NKTR: variants seen among roughly 807,000 people sequenced by gnomAD.
The protein encoded by NKTR is NK-tumor recognition protein.
Under a neutral mutation model 156.3 loss-of-function variants are expected in NKTR, and 67 were observed. That is an observed-to-expected ratio of 0.43 (90% CI 0.35 to 0.53). The LOEUF is 0.53. Ranked by LOEUF, NKTR falls within the 20% of genes least tolerant of loss-of-function variation. The pLI is 0.01. For synonymous variants in NKTR, 640 were observed against 596.6 expected (o/e 1.07, Z -1.06); for missense variants, 1,604 against 1,730.9 (o/e 0.93, Z 1.30).
chr3:42,625,579 G>T (rs962660810), intron 6 of NKTR, among the ~76,000 whole-genome samples: 2 of 152,138 alleles, frequency 1.3e-5, no homozygotes, highest in African/African-American at 4.8e-5. Context: ...GTAAAGCTGT[G>T]TTGATGTTTT....
chr3:42,615,181 C>T (rs1173645369), intron 2 of NKTR, among the ~76,000 whole-genome samples: 3 of 151,668 alleles, frequency 2.0e-5, no homozygotes, highest in African/African-American at 7.3e-5. Context: ...CAGGTTCAAG[C>T]GATTCTTTTG....
chr3:42,629,791 A>G, intron 6 of NKTR: 4 of 985,470 alleles, frequency 4.1e-6, no homozygotes, highest in Non-Finnish European at 4.8e-6. Flanking sequence ...TCTTAACCAA[A>G]TATACCCTGT....
intron 5 of NKTR, chr3:42,620,864 A>G: frequency 1.0e-6 from 1 of 973,924 alleles, no homozygotes. Flanking sequence ...TTTGTTTCAC[A>G]GGGCTTTCTT....
In NKTR at chr3:42,642,488, GC is replaced by G; in HGVS notation, c.4047-12del. Reference sequence around the variant, plus strand: ...AACATAATTATATATTTTTTCAATTGCTTTAATTGTAGATCAAGAAGCTACT... The same window carrying G: ...AACATAATTATATATTTTTTCAATTGTTTAATTGTAGATCAAGAAGCTACT... On this transcript the variant is annotated splice_polypyrimidine_tract_variant and intron_variant, in intron 13 of 16. Coordinates refer to ENST00000232978, the MANE Select transcript of NKTR (RefSeq NM_005385.4). 6.3e-7 allele frequency: 1 copy of G among 1,584,460 alleles called. No homozygotes were observed. The highest frequency in any genetic ancestry group is 8.7e-7 in the Non-Finnish European group (1 of 1,153,982).
At chr3:42,601,806 C>G (rs1054821650) in intron 2 of NKTR, 1 of 152,072 alleles carries the variant, frequency 6.6e-6, no homozygotes, top group Admixed American at 6.5e-5. Flanking sequence ...TATGTGTTGT[C>G]TTTGTGCAAC....
Position 42,630,418 on chromosome 3 carries a change from T to A in NKTR, c.375-128T>A. The A allele has an allele frequency of 2.0e-6, 3 of 1,522,526 alleles. No homozygotes were observed. The South Asian group carries it at 3.8e-5, about 19-fold the overall frequency. The allele number at this position is 1,522,526 out of a possible 1,614,324, so 94.3% of individuals were successfully genotyped here. A position where few individuals can be genotyped will look rare whatever the true frequency, so the allele number is the denominator to read the frequency against. ...TTTTAAGGTTAGATATATATCATGT[T>A]TAACTTTTTCCCCTATCTTTTTATC... On this transcript the variant is annotated intron_variant, in intron 6 of 16. Transcript: ENST00000232978.
chr3:42,630,518 C>A (rs769931579), intron 6 of NKTR, 28 bp from the exon 7 acceptor site: 1 of 1,613,436 alleles, frequency 6.2e-7, no homozygotes, highest in South Asian at 1.1e-5. Context: ...TGTTTGACAT[C>A]ATCTTTGTGT....
chr3:42,633,034 T>C (rs1709059936), intron 9 of NKTR: 1 of 1,253,420 alleles, frequency 8.0e-7, no homozygotes, highest in Non-Finnish European at 1.0e-6. Flanking sequence ...CGGGTGAAAA[T>C]AGTCCTAAGA....
At chr3:42,628,527 T>C in intron 6 of NKTR, 1 of 985,442 alleles carries the variant, frequency 1.0e-6, no homozygotes, top group Non-Finnish European at 1.2e-6. Flanking sequence ...GCAAATTGAA[T>C]TGGGCTCTTT....
At chr3:42,614,699 TG>T (rs1406518414) in intron 2 of NKTR, among the ~76,000 whole-genome samples, 1 of 152,202 alleles carries the variant, frequency 6.6e-6, no homozygotes, top group African/African-American at 2.4e-5. Flanking sequence ...AATGCTGTTT[TG>T]TTTTTTTGAC....
intron 5 of NKTR, chr3:42,620,023 G>T (rs755413775): frequency 2.0e-6 from 3 of 1,533,850 alleles, no homozygotes; most frequent in Non-Finnish European, 2.6e-6. Flanking sequence ...TAGAGAATGT[G>T]GTCTTTTGCA....
intron 5 of NKTR, chr3:42,621,002 G>T (rs758183920): frequency 2.1e-6 from 2 of 951,042 alleles, no homozygotes; most frequent in Non-Finnish European, 2.5e-6. Context: ...TAAATTTACC[G>T]TATAAAAATT....
At chr3:42,605,542 A>G (rs1706149258) in intron 2 of NKTR, among the ~76,000 whole-genome samples, 1 of 152,234 alleles carries the variant, frequency 6.6e-6, no homozygotes, top group Non-Finnish European at 1.5e-5. Context: ...AAATGGAACT[A>G]CTATACAGTT....
intron 6 of NKTR, chr3:42,628,784 C>T: frequency 1.5e-6 from 1 of 672,698 alleles, no homozygotes; most frequent in Non-Finnish European, 1.8e-6. Context: ...GGTGGATCAC[C>T]TGAGGTCAGG....
At chr3:42,620,788 C>T (rs1707837320) in intron 5 of NKTR, 1 of 984,780 alleles carries the variant, frequency 1.0e-6, no homozygotes, top group African/African-American at 1.7e-5. Context: ...TGCTGTAGGC[C>T]ACTTTGTGGT....
chr3:42,605,609 A>G (rs992420991), intron 2 of NKTR, among the ~76,000 whole-genome samples: 5 of 152,238 alleles, frequency 3.3e-5, no homozygotes, highest in African/African-American at 9.6e-5. Flanking sequence ...TATATTCAAA[A>G]TTAAACTAAA....
chr3:42,606,424 TA>T (rs747769519), intron 2 of NKTR, among the ~76,000 whole-genome samples: 62 of 152,078 alleles, frequency 4.1e-4, no homozygotes, highest in Non-Finnish European at 7.8e-4. Context: ...TGTGCAGGAG[TA>T]TGGACACTAA....
rs908538999 is a variant in NKTR at position 42,635,089 on chromosome 3, C to T, written c.1018-132C>T. On this transcript the variant is annotated intron_variant, in intron 11 of 16. Transcript: ENST00000232978. ...AAAAAAAAAAAAAAAGAACTTTAGA[C>T]CATCCTTTTGGTAACTTCAATCATT... 5.8e-6 allele frequency: 3 copies of T among 514,910 alleles called. No homozygotes were observed. In the Admixed American group the frequency reaches 1.2e-4, roughly 20 times the overall value. 31.9% of individuals were successfully genotyped at this position (514,910 alleles called of 1,614,324 possible).
intron 16 of NKTR, 52 bp downstream of exon 16, chr3:42,644,055 A>C: frequency 1.7e-6 from 2 of 1,195,056 alleles, no homozygotes; most frequent in Non-Finnish European, 2.5e-6. Context: ...CACGGTGGGC[A>C]CTTGATGTGG....
Sources: allele counts gnomAD v4.1 joint callset (sites outside exome capture counted in the v4.1 genomes callset), GRCh38; gene constraint gnomAD v4.1.1; transcripts MANE v1.5; gene names NCBI Gene and HGNC (gene_info 2026-07-23, HGNC 2026-07-21).